GABRB3: variants seen among roughly 807,000 people sequenced by gnomAD.
The protein encoded by GABRB3 is gamma-aminobutyric acid type A receptor subunit beta3, also known as gamma-aminobutyric acid receptor subunit beta-3.
Under a neutral mutation model 52.1 loss-of-function variants are expected in GABRB3, and 14 were observed. The observed-to-expected ratio is 0.27, with a 90% CI of 0.18 to 0.42. The LOEUF is 0.42. GABRB3 is among the 10% of genes least tolerant of loss of function. The pLI, the probability that GABRB3 is intolerant of heterozygous loss-of-function variation, is 1.00. For missense variants in GABRB3, 307 were observed against 609.1 expected (o/e 0.50, Z 5.22); for synonymous variants, 260 against 232.3 (o/e 1.12, Z -1.08).
At chr15:26,659,005 T>A (rs538731468) in intron 3 of GABRB3, among the ~76,000 whole-genome samples, 8 of 152,292 alleles carry the variant, frequency 5.3e-5, no homozygotes, top group African/African-American at 1.9e-4. Context: ...TGTTTTCACT[T>A]TCCTATTCAG....
At chr15:26,703,352 C>T (rs1289651523) in intron 3 of GABRB3, among the ~76,000 whole-genome samples, 1 of 152,140 alleles carries the variant, frequency 6.6e-6, no homozygotes, top group Admixed American at 6.5e-5. Context: ...GACCCCTGAT[C>T]CCATTTGCAA....
intron 6 of GABRB3, among the ~76,000 whole-genome samples, chr15:26,578,570 T>C (rs573227894): frequency 6.3e-4 from 96 of 152,338 alleles, no homozygotes; most frequent in African/African-American, 2.2e-3. Context: ...ATTCAGGAAG[T>C]CATTCTAAGT....
At chr15:26,593,472 C>A (rs930705937) in intron 4 of GABRB3, among the ~76,000 whole-genome samples, 1 of 152,140 alleles carries the variant, frequency 6.6e-6, no homozygotes, top group Non-Finnish European at 1.5e-5. Context: ...ACATCGATTA[C>A]CCTAACCCCA....
chr15:26,640,283 C>T (rs1356600141), intron 3 of GABRB3, among the ~76,000 whole-genome samples: 3 of 152,132 alleles, frequency 2.0e-5, no homozygotes, highest in African/African-American at 4.8e-5. Context: ...TTTGGGAGGC[C>T]GAGGCAGGCA....
intron 3 of GABRB3, among the ~76,000 whole-genome samples, chr15:26,626,473 G>A (rs1444101943): frequency 6.6e-6 from 1 of 152,186 alleles, no homozygotes; most frequent in East Asian, 1.9e-4. Context: ...TGATTGATGT[G>A]CAAAAGATTT....
At chr15:26,735,162 G>A (rs1163842398) in intron 3 of GABRB3, among the ~76,000 whole-genome samples, 1 of 152,078 alleles carries the variant, frequency 6.6e-6, no homozygotes, top group Non-Finnish European at 1.5e-5. Context: ...TCATCATTAG[G>A]GGACTACAAA....
intron 3 of GABRB3, among the ~76,000 whole-genome samples, chr15:26,667,108 C>A (rs1666702474): frequency 1.3e-5 from 2 of 152,210 alleles, no homozygotes; most frequent in Non-Finnish European, 2.9e-5. Flanking sequence ...ATGAATATCA[C>A]CTCGCTTCGG....
intron 4 of GABRB3, among the ~76,000 whole-genome samples, chr15:26,606,765 T>TATCGATAGATAG (rs1891813325): frequency 1.9e-5 from 1 of 52,224 alleles, no homozygotes; most frequent in Non-Finnish European, 5.2e-5. Flanking sequence ...CATATCTGTC[T>TATCGATAGATAG]ATCTATAGAT....
At chr15:26,560,264 C>A (rs1170022223) in intron 8 of GABRB3, among the ~76,000 whole-genome samples, 1 of 152,116 alleles carries the variant, frequency 6.6e-6, no homozygotes, top group African/African-American at 2.4e-5. Context: ...CTGCCCAAGT[C>A]CTACACAAAG....
chr15:26,628,738 C>A (rs1468937949), intron 3 of GABRB3, among the ~76,000 whole-genome samples: 12 of 152,158 alleles, frequency 7.9e-5, no homozygotes, highest in Non-Finnish European at 1.5e-4. Flanking sequence ...CGCCACAGGG[C>A]TAGGCAGAGG....
chr15:26,544,475 C>T lies in GABRB3; in HGVS notation c.*3318G>A, dbSNP rs1889152395. On this transcript the variant is annotated 3_prime_UTR_variant, in exon 9 of 9. Coordinates refer to ENST00000311550, the MANE Select transcript of GABRB3 (RefSeq NM_000814.6). ...TTAAAAACACAATATTGCAGATGTA[C>T]AGGTAGCTTCCAAATCTAATGGAAA... 1 of 152,352 alleles carries T rather than the reference C, an allele frequency of 6.6e-6. No homozygotes were observed. 9.4% of individuals were successfully genotyped at this position (152,352 alleles called of 1,614,324 possible).
intron 4 of GABRB3, among the ~76,000 whole-genome samples, chr15:26,608,950 T>C (rs1891946515): frequency 6.6e-6 from 1 of 152,110 alleles, no homozygotes; most frequent in African/African-American, 2.4e-5. Flanking sequence ...GTTGGGTATT[T>C]ACCCAAAAGA....
chr15:26,548,223 A>C (rs1889333011), intron 8 of GABRB3, 89 bp from the exon 9 acceptor site: 2 of 1,002,380 alleles, frequency 2.0e-6, no homozygotes, highest in South Asian at 2.5e-5. Flanking sequence ...ATGCCATCAC[A>C]TGTTGCATGT....
intron 4 of GABRB3, among the ~76,000 whole-genome samples, chr15:26,586,447 C>G (rs185708351): frequency 7.2e-6 from 1 of 139,620 alleles, no homozygotes; most frequent in Non-Finnish European, 1.6e-5. Flanking sequence ...CATAAACATG[C>G]CCAAATTGTT....
intron 6 of GABRB3, among the ~76,000 whole-genome samples, chr15:26,568,419 T>C (rs552344257): frequency 3.3e-5 from 5 of 152,226 alleles, no homozygotes; most frequent in South Asian, 2.1e-4. Flanking sequence ...ACCACCACCA[T>C]GACAGAGTGA....
chr15:26,726,252 A>T (rs929194362), intron 3 of GABRB3, among the ~76,000 whole-genome samples: 3 of 152,222 alleles, frequency 2.0e-5, no homozygotes, highest in African/African-American at 4.8e-5. Context: ...GGAACATTTT[A>T]AATTTTGGAT....
At chr15:26,632,985 C>G (rs1319631996) in intron 3 of GABRB3, among the ~76,000 whole-genome samples, 1 of 152,106 alleles carries the variant, frequency 6.6e-6, no homozygotes, top group Non-Finnish European at 1.5e-5. Context: ...TTAGCTGCCC[C>G]CAGCCCCCAC....
rs34886387 is a variant in GABRB3, at chr15:26,616,960, A to C, written c.461+4354T>G. On this transcript the variant is annotated intron_variant, in intron 4 of 8. Coordinates refer to ENST00000311550, the MANE Select transcript of GABRB3 (RefSeq NM_000814.6). ...ACTGACATACTCTACTTCTGTTAAA[A>C]AAAAAAACAAAAAGTGTATGTGTCG... Among the ~76,000 whole-genome samples the C allele has an allele frequency of 8.6e-5, 13 of 152,022 alleles. No homozygotes were observed. In the South Asian group the frequency reaches 2.7e-3, roughly 32 times the overall value.
intron 4 of GABRB3, among the ~76,000 whole-genome samples, chr15:26,617,507 A>G (rs935356133): frequency 6.6e-6 from 1 of 152,212 alleles, no homozygotes; most frequent in Non-Finnish European, 1.5e-5. Context: ...TATTGATGGG[A>G]CGTATCTCAA....
Sources: allele counts gnomAD v4.1 joint callset (sites outside exome capture counted in the v4.1 genomes callset), GRCh38; gene constraint gnomAD v4.1.1; transcripts MANE v1.5; gene names NCBI Gene and HGNC (gene_info 2026-07-23, HGNC 2026-07-21).